Variants in SSX1 observed in about 807,000 individuals in gnomAD.
SSX1 encodes the protein protein SSX1.
SSX1 carries 58 observed loss-of-function variants against 14.6 expected under a neutral mutation model. That is an observed-to-expected ratio of 3.96 (90% confidence interval 3.21 to 4.93). SSX1 has a LOEUF of 4.93. SSX1 is among the 30% of genes most tolerant of loss of function. The probability of loss-of-function intolerance (pLI) is 0.00; values close to 1 mark genes in which losing one functional copy is unlikely to be tolerated. For missense variants in SSX1, 272 were observed against 143.1 expected (o/e 1.90, Z -4.60); for synonymous variants, 46 against 52.1 (o/e 0.88, Z 0.50).
At chrX:48,262,948 A>G in intron 5 of SSX1, among the ~76,000 whole-genome samples, 1 of 110,389 alleles carries the variant, frequency 9.1e-6, no homozygotes, top group Admixed American at 9.7e-5. Flanking sequence ...GTCCTGGCCA[A>G]CATGGTGAAA....
At position 48,261,650 on chromosome X, in the gene SSX1, C is replaced by T. The variant is rs184935658; in HGVS notation, c.281-116C>T. ...TTCAGAAGCAAATCTCAAATAACTC[C>T]TCAACAATGAGTGGACTCATAACCT... On this transcript the variant is annotated intron_variant, in intron 4 of 7. Coordinates refer to ENST00000376919, the MANE Select transcript of SSX1 (RefSeq NM_005635.4). 6.7e-5 allele frequency: 55 copies of T among 824,269 alleles called. No individual in the cohort carries two copies. The East Asian group carries it at 1.7e-3, about 26-fold the overall frequency. The allele number at this position is 824,269 out of a possible 1,213,427, so 67.9% of individuals were successfully genotyped here. A position where few individuals can be genotyped will look rare whatever the true frequency, so the allele number is the denominator to read the frequency against.
intron 4 of SSX1, among the ~76,000 whole-genome samples, chrX:48,261,395 C>T (rs1357920544): frequency 1.8e-5 from 2 of 112,175 alleles, no homozygotes; most frequent in Admixed American, 1.9e-4. Context: ...AATTCACATA[C>T]CATAAGATCC....
Position 48,267,304 on chromosome X carries a change from A to C in SSX1, c.*455A>C. The C allele has an allele frequency of 5.9e-6, 1 of 170,698 alleles. No homozygotes were observed. Among genetic ancestry groups the C allele is most frequent in the Non-Finnish European group, 1.1e-5 (1 of 91,247 alleles). The allele number at this position is 170,698 out of a possible 1,213,427, so 14.1% of individuals were successfully genotyped here. A position where few individuals can be genotyped will look rare whatever the true frequency, so the allele number is the denominator to read the frequency against. On this transcript the variant is annotated 3_prime_UTR_variant, in exon 8 of 8. Transcript: ENST00000376919. ...GCACACACACACACCAAGTACCAGT[A>C]TAAGCATCTCCCATCTGCTTTTCCC...
chrX:48,262,067 A>C (rs1245218820), intron 5 of SSX1, among the ~76,000 whole-genome samples: 2 of 112,217 alleles, frequency 1.8e-5, no homozygotes, highest in Non-Finnish European at 3.8e-5. Flanking sequence ...ATCCATAAGA[A>C]GACCTCTATG....
At chrX:48,259,343 A>G (rs2059595603) in intron 4 of SSX1, among the ~76,000 whole-genome samples, 1 of 112,116 alleles carries the variant, frequency 8.9e-6, no homozygotes, top group Non-Finnish European at 1.9e-5. Flanking sequence ...CAGATCTAAC[A>G]TAGTCATGGG....
chrX:48,257,548 A>T, intron 2 of SSX1, 198 bp from the exon 3 acceptor site: 1 of 753,647 alleles, frequency 1.3e-6, no homozygotes, highest in Non-Finnish European at 1.6e-6. Context: ...GAAGAGAGCC[A>T]GACAGCAGCA....
intron 4 of SSX1, among the ~76,000 whole-genome samples, 184 bp from the exon 5 acceptor site, chrX:48,261,582 A>G (rs1189079462): frequency 8.9e-6 from 1 of 112,342 alleles, no homozygotes; most frequent in African/African-American, 3.2e-5. Flanking sequence ...TAAAATTCTG[A>G]ATTGATGCCA....
Position 48,266,326 on chromosome X carries a change from G to C in SSX1, c.506G>C (p.Arg169Pro). 1 of 1,210,101 alleles carries C rather than the reference G, an allele frequency of 8.3e-7. No homozygotes were observed. The highest frequency in any genetic ancestry group is 1.1e-6 in the Non-Finnish European group (1 of 895,365). ...RGKHAWTHRL[R>P]ERKQLVIYEE... is the part of the protein sequence containing the mutation. ...AAACATGCCTGGACCCACAGACTGCGTGAGAGAAAGCAGCTGGTGATTTAT... is the reference window on the plus strand; with the variant it reads ...AAACATGCCTGGACCCACAGACTGCCTGAGAGAAAGCAGCTGGTGATTTAT... Residue 169 changes from arginine to proline, a missense_variant, in exon 7 of 8, where the codon CGT becomes CCT. Physicochemically the swap from Arg to Pro is moderately radical, Grantham distance 103. Transcript: ENST00000376919.
Position 48,266,357 on chromosome X carries a change from G to T in SSX1, c.537G>T (p.Glu179Asp), listed in dbSNP as rs1304246068. The T allele has an allele frequency of 3.3e-6, 4 of 1,208,282 alleles. No individual in the cohort carries two copies. The highest frequency in any genetic ancestry group is 5.9e-5 in the East Asian group (2 of 33,741). ...RERKQLVIYEEISDPEEDDE is the reference protein window; with the variant it reads ...RERKQLVIYEDISDPEEDDE ...GAAAGCAGCTGGTGATTTATGAAGA[G>T]ATCAGTGACCCTGAGGAAGATGACG... is the stretch of plus-strand genomic sequence containing the variant. The change falls in exon 7 of 8, where the codon GAG becomes GAT. Residue 179 changes from glutamate (E) to aspartate (D), a missense_variant. Transcript: ENST00000376919.
rs2059627318 is a variant in SSX1 at position 48,267,226 on chromosome X, T to A, written c.*377T>A. 1 of 280,478 alleles carries A rather than the reference T, an allele frequency of 3.6e-6. No homozygotes were observed. Among genetic ancestry groups the A allele is most frequent in the Non-Finnish European group, 6.3e-6 (1 of 159,185 alleles). The allele number at this position is 280,478 out of a possible 1,213,427, so 23.1% of individuals were successfully genotyped here. On this transcript the variant is annotated 3_prime_UTR_variant, in exon 8 of 8. Coordinates refer to ENST00000376919, the MANE Select transcript of SSX1 (RefSeq NM_005635.4). The stretch of plus-strand genomic sequence containing the variant: ...TGTGACTACTGAGGGCAGTTCTGAG[T>A]GTTTAATTTCAGACTTTTTCCTCTG...
intron 5 of SSX1, among the ~76,000 whole-genome samples, chrX:48,262,874 G>A (rs1194945611): frequency 1.8e-5 from 2 of 111,118 alleles, no homozygotes; most frequent in African/African-American, 6.5e-5. Context: ...GGGGGCTCAC[G>A]ACTGTAATCC....
chrX:48,259,697 C>T (rs1414962995), intron 4 of SSX1, among the ~76,000 whole-genome samples: 1 of 109,935 alleles, frequency 9.1e-6, no homozygotes, highest in Non-Finnish European at 1.9e-5. Flanking sequence ...TGAGAATATG[C>T]GGTGTTTGGT....
chrX:48,262,076 T>C (rs1298494362), intron 5 of SSX1, among the ~76,000 whole-genome samples: 3 of 112,300 alleles, frequency 2.7e-5, no homozygotes, highest in Non-Finnish European at 5.6e-5. Context: ...AAGACCTCTA[T>C]GACATTGTTT....
Position 48,257,231 on chromosome X carries a change from C to T in SSX1, c.-11C>T. 1.7e-6 allele frequency: 2 copies of T among 1,210,704 alleles called. No homozygotes were observed. Among genetic ancestry groups the T allele is most frequent in the Non-Finnish European group, 2.2e-6 (2 of 894,639 alleles). Reference sequence around the variant, plus strand: ...GCTGTTTCTCTTGCAGGTGAGACTGCTCCTGGTGCCATGAACGGAGACGAC... The same window carrying T: ...GCTGTTTCTCTTGCAGGTGAGACTGTTCCTGGTGCCATGAACGGAGACGAC... On this transcript the variant is annotated 5_prime_UTR_variant, in exon 2 of 8. Transcript: ENST00000376919.
At chrX:48,255,892 T>C (rs1316766139) in intron 1 of SSX1, among the ~76,000 whole-genome samples, 2 of 101,926 alleles carry the variant, frequency 2.0e-5, no homozygotes, top group East Asian at 6.5e-4. Context: ...ATCCTGCCCA[T>C]GCTTTTTTTT....
chrX:48,259,080 T>C (rs1460999492), intron 4 of SSX1, among the ~76,000 whole-genome samples: 2 of 111,352 alleles, frequency 1.8e-5, no homozygotes, highest in Admixed American at 1.9e-4. Flanking sequence ...CACTACAACC[T>C]CTGCCTCCCG....
chrX:48,262,332 C>G (rs1310216039), intron 5 of SSX1, among the ~76,000 whole-genome samples: 7 of 112,196 alleles, frequency 6.2e-5, no homozygotes, highest in Non-Finnish European at 1.3e-4. Context: ...GTAGTCTAAT[C>G]CAGAGCTCCA....
At chrX:48,262,958 A>T (rs1216340639) in intron 5 of SSX1, among the ~76,000 whole-genome samples, 1 of 109,729 alleles carries the variant, frequency 9.1e-6, no homozygotes, top group Non-Finnish European at 1.9e-5. Flanking sequence ...ACATGGTGAA[A>T]CCTCATCTCT....
intron 5 of SSX1, among the ~76,000 whole-genome samples, chrX:48,262,535 C>T (rs1556935660): frequency 2.7e-5 from 3 of 111,081 alleles, no homozygotes; most frequent in Non-Finnish European, 5.7e-5. Flanking sequence ...GTTGGCCCCT[C>T]CTTGAGCTCC....
Sources: gnomAD v4.1 joint callset for allele counts (sites outside exome capture counted in the v4.1 genomes callset) on GRCh38, gnomAD v4.1.1 for gene constraint, MANE v1.5 for transcripts, NCBI Gene and HGNC (gene_info 2026-07-23, HGNC 2026-07-21) for gene names.